NCAM2: variants seen among roughly 807,000 people sequenced by gnomAD.
NCAM2 encodes neural cell adhesion molecule 2.
Under a neutral mutation model 98.1 loss-of-function variants are expected in NCAM2, and 30 were observed. That is an observed-to-expected ratio of 0.31 (90% CI 0.23 to 0.41). The LOEUF is 0.41. Ranked by LOEUF, NCAM2 falls within the 10% of genes least tolerant of loss-of-function variation. The pLI is 1.00. For missense variants in NCAM2, 867 were observed against 1,005.8 expected (o/e 0.86, Z 1.87); for synonymous variants, 368 against 342.4 (o/e 1.07, Z -0.83).
chr21:21,240,965 T>C (rs2071041955), intron 1 of NCAM2, among the ~76,000 whole-genome samples: 1 of 152,184 alleles, frequency 6.6e-6, no homozygotes, highest in Admixed American at 6.5e-5. Flanking sequence ...AACATCATTA[T>C]TGTTAGCAGT....
At chr21:21,056,242 G>A (rs1466666928) in intron 1 of NCAM2, among the ~76,000 whole-genome samples, 2 of 152,126 alleles carry the variant, frequency 1.3e-5, no homozygotes, top group East Asian at 1.9e-4. Context: ...AAACTTTCCA[G>A]TAGCTTTCCC....
chr21:21,201,325 G>C (rs530979207), intron 1 of NCAM2, among the ~76,000 whole-genome samples: 1 of 152,252 alleles, frequency 6.6e-6, no homozygotes, highest in South Asian at 2.1e-4. Flanking sequence ...CAGTTATGCT[G>C]CTCCCACTGC....
intron 1 of NCAM2, among the ~76,000 whole-genome samples, chr21:21,047,015 G>GTGT (rs1253674327): frequency 3.3e-5 from 5 of 151,730 alleles, no homozygotes; most frequent in African/African-American, 1.2e-4. Context: ...ATCTGCCTAA[G>GTGT]TGTTTATAGC....
chr21:21,204,755 A>G (rs749250366), intron 1 of NCAM2, among the ~76,000 whole-genome samples: 2 of 152,140 alleles, frequency 1.3e-5, no homozygotes, highest in Non-Finnish European at 2.9e-5. Context: ...AAATTGGGCT[A>G]TTGCCAATTT....
At chr21:21,168,832 G>A (rs567916151) in intron 1 of NCAM2, among the ~76,000 whole-genome samples, 1 of 152,198 alleles carries the variant, frequency 6.6e-6, no homozygotes, top group Admixed American at 6.6e-5. Context: ...CTTACGTGTA[G>A]GAAATCTGAA....
At chr21:21,216,363 C>T (rs73228542) in intron 1 of NCAM2, among the ~76,000 whole-genome samples, 6,559 of 152,184 alleles carry the variant, frequency 0.043, 229 homozygotes, top group Admixed American at 0.1. Flanking sequence ...TTTTCAGGGA[C>T]CACAATTAAT....
intron 1 of NCAM2, among the ~76,000 whole-genome samples, chr21:21,265,860 A>G (rs2072249481): frequency 6.6e-6 from 1 of 152,070 alleles, no homozygotes; most frequent in Non-Finnish European, 1.5e-5. Context: ...GCATTACTCA[A>G]CTACTCATGT....
At chr21:21,271,905 G>T (rs1036875040) in intron 1 of NCAM2, among the ~76,000 whole-genome samples, 2 of 152,090 alleles carry the variant, frequency 1.3e-5, no homozygotes, top group African/African-American at 4.8e-5. Context: ...GGGGTGAGGG[G>T]AGTGGGGAGG....
At chr21:21,404,546 C>A (rs556113012) in intron 9 of NCAM2, among the ~76,000 whole-genome samples, 11 of 152,070 alleles carry the variant, frequency 7.2e-5, no homozygotes, top group Non-Finnish European at 1.5e-4. Context: ...TATGAAACTT[C>A]TTTTTCTTCA....
chr21:21,221,568 A>G (rs1302052256), intron 1 of NCAM2, among the ~76,000 whole-genome samples: 1 of 152,196 alleles, frequency 6.6e-6, no homozygotes, highest in Non-Finnish European at 1.5e-5. Context: ...AGAAGACCAA[A>G]CCAGTGGTAA....
intron 1 of NCAM2, among the ~76,000 whole-genome samples, chr21:21,275,199 G>A (rs549160313): frequency 6.6e-6 from 1 of 151,962 alleles, no homozygotes; most frequent in Admixed American, 6.5e-5. Flanking sequence ...CCAGCACTTT[G>A]GGAGGCCGAG....
chr21:21,155,989 G>A (rs1045898769), intron 1 of NCAM2, among the ~76,000 whole-genome samples: 2 of 151,944 alleles, frequency 1.3e-5, no homozygotes, highest in Admixed American at 6.6e-5. Flanking sequence ...CATCTATGTG[G>A]AAGGTTCTTC....
At chr21:21,334,630 T>C (rs928734893) in intron 6 of NCAM2, among the ~76,000 whole-genome samples, 2 of 151,368 alleles carry the variant, frequency 1.3e-5, no homozygotes, top group Non-Finnish European at 2.9e-5. Flanking sequence ...CAGGAGGGGA[T>C]GCAAAGAAGA....
At chr21:21,277,171 G>A (rs1188596005) in intron 1 of NCAM2, among the ~76,000 whole-genome samples, 1 of 151,998 alleles carries the variant, frequency 6.6e-6, no homozygotes, top group Non-Finnish European at 1.5e-5. Context: ...AAAATTATAT[G>A]TTGTCAATAC....
chr21:21,063,238 T>TG (rs2065359772), intron 1 of NCAM2, among the ~76,000 whole-genome samples: 1 of 122,758 alleles, frequency 8.1e-6, no homozygotes, highest in Non-Finnish European at 1.7e-5. Flanking sequence ...TTTTTTTTTT[T>TG]GAGCCGGAGT....
chr21:21,150,946 G>C (rs1249141062), intron 1 of NCAM2, among the ~76,000 whole-genome samples: 4 of 148,672 alleles, frequency 2.7e-5, no homozygotes, highest in Admixed American at 6.9e-5. Context: ...ATGTCATCTT[G>C]GCTAACTTTT....
At chr21:21,189,284 A>G (rs528656666) in intron 1 of NCAM2, among the ~76,000 whole-genome samples, 8 of 152,182 alleles carry the variant, frequency 5.3e-5, no homozygotes, top group Non-Finnish European at 1.2e-4. Context: ...AGTTTTTAAT[A>G]TATAATAAAA....
At chr21:21,052,755 T>G (rs1016532215) in intron 1 of NCAM2, among the ~76,000 whole-genome samples, 2 of 152,200 alleles carry the variant, frequency 1.3e-5, no homozygotes, top group Non-Finnish European at 2.9e-5. Context: ...TTAGGCTCCA[T>G]CTGGGGTTTC....
intron 8 of NCAM2, among the ~76,000 whole-genome samples, chr21:21,341,182 T>C (rs2147888485): frequency 6.6e-6 from 1 of 152,248 alleles, no homozygotes. Flanking sequence ...AAAGTATAAC[T>C]AAGGTTTGAT....
Sources: allele counts gnomAD v4.1 joint callset (sites outside exome capture counted in the v4.1 genomes callset), GRCh38; gene constraint gnomAD v4.1.1; transcripts MANE v1.5; gene names NCBI Gene and HGNC (gene_info 2026-07-23, HGNC 2026-07-21).